Variants in GRAMD1B observed in about 807,000 individuals in gnomAD.
GRAMD1B encodes the protein protein Aster-B.
Under a neutral mutation model 99.7 loss-of-function variants are expected in GRAMD1B, and 37 were observed. The ratio of observed to expected loss-of-function variants is 0.37; its 90% confidence interval spans 0.29 to 0.49. The LOEUF (loss-of-function observed/expected upper bound fraction) is 0.49, where lower values mean the gene tolerates loss of function less well. GRAMD1B is among the 20% of genes least tolerant of loss of function. The pLI is 0.98. For missense variants in GRAMD1B, 888 were observed against 1,009.2 expected (o/e 0.88, Z 1.63); for synonymous variants, 427 against 387.6 (o/e 1.10, Z -1.19).
intron 6 of GRAMD1B, among the ~76,000 whole-genome samples, chr11:123,595,712 C>T (rs991594953): frequency 6.6e-6 from 1 of 152,116 alleles, no homozygotes; most frequent in Non-Finnish European, 1.5e-5. Flanking sequence ...AGCTCTTTGC[C>T]CAAGAATCAA....
At chr11:123,614,535 A>G (rs1251140135) in intron 16 of GRAMD1B, among the ~76,000 whole-genome samples, 1 of 152,112 alleles carries the variant, frequency 6.6e-6, no homozygotes, top group Non-Finnish European at 1.5e-5. Context: ...TCATTTGTTC[A>G]ATGATGACCT....
chr11:123,449,985 T>A (rs1949813598), intron 1 of GRAMD1B, among the ~76,000 whole-genome samples: 9 of 152,028 alleles, frequency 5.9e-5, no homozygotes, highest in African/African-American at 2.2e-4. Flanking sequence ...AGCCTCCCAA[T>A]GTGTTGGGAT....
At position 123,596,543 on chromosome 11, in the gene GRAMD1B, C is replaced by A. The variant is rs542061859; in HGVS notation, c.969+506C>A. 4.1e-4 allele frequency among the ~76,000 whole-genome samples: 63 copies of A among 152,276 alleles called. No homozygotes were observed. In the South Asian group the frequency reaches 0.012, roughly 30 times the overall value. ...ACGTTGGATAAAATTCAGGACAGAA[C>A]AAACTTTTCACTAGAGCCTGAAGAT... On this transcript the variant is annotated intron_variant, in intron 7 of 19. Transcript: ENST00000635736.
Position 123,524,155 on chromosome 11 carries a change from C to A in GRAMD1B, c.452+43262C>A, listed in dbSNP as rs55981535. ...TCACTTAAACGCTTGCTTATAGTAC[C>A]CTACAATCCCCAAGCCCTCCTCCTC... On this transcript the variant is annotated intron_variant, in intron 2 of 19. Coordinates refer to ENST00000635736, the MANE Select transcript of GRAMD1B (RefSeq NM_001387025.1). Among the ~76,000 whole-genome samples, 953 of 151,952 alleles carry A rather than the reference C, an allele frequency of 6.3e-3. 10 individuals carry two copies. Among genetic ancestry groups the A allele is most frequent in the African/African-American group, 0.022 (908 of 41,414 alleles).
intron 1 of GRAMD1B, among the ~76,000 whole-genome samples, chr11:123,440,513 G>GA (rs201372195): frequency 0.018 from 2,709 of 150,506 alleles, 46 homozygotes; most frequent in Middle Eastern, 0.024. Flanking sequence ...CGTCTCAAAA[G>GA]AAAAAAAAAG....
chr11:123,445,544 A>G (rs1374664262), intron 1 of GRAMD1B, among the ~76,000 whole-genome samples: 2 of 152,098 alleles, frequency 1.3e-5, no homozygotes, highest in African/African-American at 4.8e-5. Flanking sequence ...GGCCTGGCGC[A>G]GTGGCTTACC....
intron 8 of GRAMD1B, 49 bp from the exon 9 acceptor site, chr11:123,603,377 C>A: frequency 8.8e-7 from 1 of 1,141,864 alleles, no homozygotes; most frequent in South Asian, 1.3e-5. Flanking sequence ...TGTGCAGAGT[C>A]GGGGGACCTG....
chr11:123,598,764 G>A (rs1030747898), intron 7 of GRAMD1B: 4 of 919,780 alleles, frequency 4.3e-6, no homozygotes, highest in African/African-American at 3.2e-5. Flanking sequence ...TGTCTCTTTC[G>A]GCCATCCAGG....
intron 1 of GRAMD1B, among the ~76,000 whole-genome samples, chr11:123,458,035 T>A (rs186049516): frequency 1.3e-5 from 2 of 152,266 alleles, no homozygotes; most frequent in East Asian, 3.9e-4. Flanking sequence ...TTTAAATAGA[T>A]GAGTACCACT....
Position 123,618,762 on chromosome 11 carries a change from G to T in GRAMD1B, c.2388G>T (p.Gln796His), listed in dbSNP as rs1395001592. Residue 796 changes from glutamine to histidine, a missense_variant, in exon 18 of 20, where the codon CAG becomes CAT. This residue lies in a region of GRAMD1B where 232 missense variants were observed against 261.7 expected (regional missense o/e 0.89). Coordinates refer to ENST00000635736, the MANE Select transcript of GRAMD1B (RefSeq NM_001387025.1). ...YKLWMLEYTTQTLTAWQGLRL... is the reference protein window; with the variant it reads ...YKLWMLEYTTHTLTAWQGLRL... ...TCTGGATGTTGGAATACACCACGCAGACCCTCACTGCCTGGCAGGGTCTAA... is the reference window on the plus strand; with the variant it reads ...TCTGGATGTTGGAATACACCACGCATACCCTCACTGCCTGGCAGGGTCTAA... The T allele has an allele frequency of 1.3e-6, 2 of 1,581,278 alleles. No homozygotes were observed. The highest frequency in any genetic ancestry group is 8.6e-7 in the Non-Finnish European group (1 of 1,161,914).
chr11:123,466,404 A>C (rs940791880), intron 1 of GRAMD1B, among the ~76,000 whole-genome samples: 10 of 151,794 alleles, frequency 6.6e-5, no homozygotes, highest in African/African-American at 2.2e-4. Flanking sequence ...AAAAGAAAGA[A>C]AGGAAGAAAG....
intron 6 of GRAMD1B, 128 bp downstream of exon 6, chr11:123,594,966 G>A: frequency 1.5e-6 from 1 of 645,170 alleles, no homozygotes; most frequent in African/African-American, 1.8e-5. Context: ...AAGCATGCCT[G>A]AGTCTTGAAA....
chr11:123,570,611 A>G (rs776051816), intron 2 of GRAMD1B, among the ~76,000 whole-genome samples: 6 of 151,720 alleles, frequency 4.0e-5, no homozygotes, highest in Non-Finnish European at 8.8e-5. Flanking sequence ...TTCAGTAGAG[A>G]TGGTGTTTCA....
chr11:123,616,670 T>G (rs1954435011), intron 17 of GRAMD1B, among the ~76,000 whole-genome samples: 2 of 152,260 alleles, frequency 1.3e-5, no homozygotes, highest in Non-Finnish European at 2.9e-5. Context: ...CAGCACAGCT[T>G]GCCCTGTGTC....
At chr11:123,457,089 G>A (rs1171389913) in intron 1 of GRAMD1B, among the ~76,000 whole-genome samples, 3 of 144,208 alleles carry the variant, frequency 2.1e-5, no homozygotes, top group Non-Finnish European at 4.7e-5. Flanking sequence ...TCTAACCTGG[G>A]TGACAGAGAG....
intron 3 of GRAMD1B, among the ~76,000 whole-genome samples, chr11:123,581,922 G>A (rs1359545680): frequency 6.6e-6 from 1 of 152,214 alleles, no homozygotes. Flanking sequence ...AGGGAGCCCC[G>A]TGCAGGAGGA....
intron 2 of GRAMD1B, among the ~76,000 whole-genome samples, chr11:123,552,273 CTT>C (rs71060514): frequency 0.17 from 19,955 of 119,800 alleles, 1,021 homozygotes; most frequent in Admixed American, 0.23. Context: ...CTCTTTCTTT[CTT>C]TTTTTTTTTT....
chr11:123,592,285 C>G (rs1165168285), intron 4 of GRAMD1B, among the ~76,000 whole-genome samples: 1 of 152,180 alleles, frequency 6.6e-6, no homozygotes, highest in African/African-American at 2.4e-5. Context: ...TTCCTCTTGG[C>G]AGGAGGACCA....
At chr11:123,580,979 G>T (rs1394363071) in intron 3 of GRAMD1B, among the ~76,000 whole-genome samples, 1 of 148,464 alleles carries the variant, frequency 6.7e-6, no homozygotes, top group Non-Finnish European at 1.5e-5. Flanking sequence ...AGTAAGAATT[G>T]TTTTTTATTT....
Sources: gnomAD v4.1 joint callset for allele counts (sites outside exome capture counted in the v4.1 genomes callset) on GRCh38, gnomAD v4.1.1 for gene constraint, gnomAD v4.1.1 regional missense constraint, MANE v1.5 for transcripts, NCBI Gene and HGNC (gene_info 2026-07-23, HGNC 2026-07-21) for gene names.